Variants in PIK3R3 observed in about 807,000 individuals in gnomAD.
The protein encoded by PIK3R3 is phosphoinositide-3-kinase regulatory subunit 3.
Under a neutral mutation model 62.9 loss-of-function variants are expected in PIK3R3, and 64 were observed. The ratio of observed to expected loss-of-function variants is 1.02; its 90% CI spans 0.83 to 1.25. PIK3R3 has a LOEUF of 1.25. PIK3R3 is among the 50% of genes most tolerant of loss of function. The probability of loss-of-function intolerance (pLI) is 0.00; values close to 1 mark genes in which losing one functional copy is unlikely to be tolerated. For synonymous variants in PIK3R3, 165 were observed against 189.0 expected (o/e 0.87, Z 1.04); for missense variants, 614 against 561.6 (o/e 1.09, Z -0.94).
At chr1:46,045,617 C>CTTTTTTTTTTTTTT (rs1031388121) in intron 9 of PIK3R3, among the ~76,000 whole-genome samples, 2 of 21,212 alleles carry the variant, frequency 9.4e-5, no homozygotes, top group African/African-American at 4.4e-4. Flanking sequence ...CAATTAAGTG[C>CTTTTTTTTTTTTTT]TTTTTTTTTT....
intron 1 of PIK3R3, among the ~76,000 whole-genome samples, chr1:46,103,902 A>T (rs891006046): frequency 6.7e-6 from 1 of 149,806 alleles, no homozygotes; most frequent in African/African-American, 2.5e-5. Flanking sequence ...CCATGATGGT[A>T]TATTTTATAT....
intron 1 of PIK3R3, 59 bp downstream of exon 1, chr1:46,131,788 C>T (rs757631432): frequency 1.1e-5 from 17 of 1,523,702 alleles, no homozygotes; most frequent in African/African-American, 1.4e-5. Flanking sequence ...CATCAGCAAG[C>T]TCTTGGTAAA....
chr1:46,107,093 T>C (rs905690418), intron 1 of PIK3R3, among the ~76,000 whole-genome samples: 2 of 152,096 alleles, frequency 1.3e-5, no homozygotes, highest in Non-Finnish European at 2.9e-5. Flanking sequence ...AAGCAGCTCA[T>C]GCCTGTAATC....
chr1:46,120,893 T>C (rs889738102), intron 1 of PIK3R3, among the ~76,000 whole-genome samples: 3 of 152,138 alleles, frequency 2.0e-5, no homozygotes, highest in African/African-American at 7.2e-5. Flanking sequence ...AGAAGTTTGC[T>C]AGAGGTTTTT....
the PIK3R3 span, among the ~76,000 whole-genome samples, chr1:46,146,588 C>T: frequency 3.3e-5 from 5 of 152,000 alleles, no homozygotes; most frequent in Admixed American, 1.3e-4. Flanking sequence ...ACAACCTCAT[C>T]GATCAGGTCT....
chr1:46,164,328 A>T, the PIK3R3 span, among the ~76,000 whole-genome samples: 1 of 151,884 alleles, frequency 6.6e-6, no homozygotes, highest in Admixed American at 6.6e-5. Context: ...CATCACCAAG[A>T]CCTGTCACTT....
intron 1 of PIK3R3, among the ~76,000 whole-genome samples, chr1:46,121,445 G>C (rs1654666287): frequency 6.6e-6 from 1 of 152,002 alleles, no homozygotes; most frequent in South Asian, 2.1e-4. Context: ...CTTTTTCAGA[G>C]CAATTTTCAT....
chr1:46,137,120 C>G (rs1028289234), upstream of PIK3R3, among the ~76,000 whole-genome samples: 3 of 152,176 alleles, frequency 2.0e-5, no homozygotes, highest in Non-Finnish European at 2.9e-5. Context: ...TCACTAGTAG[C>G]AGAGTCAGGA....
At chr1:46,109,555 C>T (rs573229275) in intron 1 of PIK3R3, among the ~76,000 whole-genome samples, 4 of 152,256 alleles carry the variant, frequency 2.6e-5, no homozygotes, top group African/African-American at 9.6e-5. Context: ...GCAATCTCAG[C>T]TCACTGCAAC....
intron 1 of PIK3R3, among the ~76,000 whole-genome samples, chr1:46,126,033 T>G (rs1370004605): frequency 6.6e-6 from 1 of 151,978 alleles, no homozygotes; most frequent in Non-Finnish European, 1.5e-5. Flanking sequence ...GTGCTGGGAT[T>G]ACAGGCATGA....
the PIK3R3 span, among the ~76,000 whole-genome samples, chr1:46,151,485 T>A: frequency 3.9e-5 from 6 of 152,192 alleles, no homozygotes; most frequent in African/African-American, 1.4e-4. Context: ...GGTTCACATC[T>A]GTAATCCCAA....
At chr1:46,151,813 T>G in the PIK3R3 span, among the ~76,000 whole-genome samples, 1 of 152,212 alleles carries the variant, frequency 6.6e-6, no homozygotes, top group East Asian at 1.9e-4. Flanking sequence ...CCATGAAGTC[T>G]TCATGTATAG....
At chr1:46,075,968 G>T (rs1215195085) in intron 3 of PIK3R3, among the ~76,000 whole-genome samples, 1 of 152,154 alleles carries the variant, frequency 6.6e-6, no homozygotes, top group African/African-American at 2.4e-5. Flanking sequence ...GATTTCCAAG[G>T]ACAGAATAAG....
In PIK3R3 at chr1:46,132,134, G is replaced by A. The variant is rs1032632906; in HGVS notation, c.-182C>T. ...CAGGGTCCTCCCCCTCTCTCCTACAGAACACAACAAAATGCCCCCGAACTT... is the reference window on the plus strand; with the variant it reads ...CAGGGTCCTCCCCCTCTCTCCTACAAAACACAACAAAATGCCCCCGAACTT... On this transcript the variant is annotated 5_prime_UTR_variant, in exon 1 of 10. Coordinates refer to ENST00000262741, the MANE Select transcript of PIK3R3 (RefSeq NM_003629.4). 6.5e-6 allele frequency: 9 copies of A among 1,386,354 alleles called. No individual in the cohort carries two copies. Among genetic ancestry groups the A allele is most frequent in the African/African-American group, 1.5e-5 (1 of 68,482 alleles). The allele number at this position is 1,386,354 out of a possible 1,614,324, so 85.9% of individuals were successfully genotyped here.
intron 1 of PIK3R3, among the ~76,000 whole-genome samples, chr1:46,088,288 A>G (rs1182278155): frequency 6.7e-6 from 1 of 150,054 alleles, no homozygotes; most frequent in Non-Finnish European, 1.5e-5. Context: ...CATGTTACAT[A>G]TATTTACCAC....
chr1:46,126,128 G>C (rs1202418893), intron 1 of PIK3R3, among the ~76,000 whole-genome samples: 1 of 152,116 alleles, frequency 6.6e-6, no homozygotes, highest in African/African-American at 2.4e-5. Flanking sequence ...GTATCACTAA[G>C]ATACTATTGG....
intron 1 of PIK3R3, among the ~76,000 whole-genome samples, chr1:46,085,348 GAC>G (rs1452481569): frequency 6.6e-6 from 1 of 152,144 alleles, no homozygotes; most frequent in Non-Finnish European, 1.5e-5. Flanking sequence ...AGATTAGATA[GAC>G]ACAGTCTCCA....
intron 1 of PIK3R3, among the ~76,000 whole-genome samples, chr1:46,088,290 A>G (rs767817936): frequency 6.7e-6 from 1 of 148,970 alleles, no homozygotes; most frequent in Non-Finnish European, 1.5e-5. Context: ...TGTTACATAT[A>G]TTTACCACAA....
At chr1:46,073,074 T>C (rs2149404246) in intron 3 of PIK3R3, among the ~76,000 whole-genome samples, 1 of 152,132 alleles carries the variant, frequency 6.6e-6, no homozygotes, top group South Asian at 2.1e-4. Flanking sequence ...CCTCAGATAA[T>C]TTAAATTGTA....
Sources: allele counts gnomAD v4.1 joint callset (sites outside exome capture counted in the v4.1 genomes callset), GRCh38; gene constraint gnomAD v4.1.1; transcripts MANE v1.5; gene names NCBI Gene and HGNC (gene_info 2026-07-23, HGNC 2026-07-21).